Variants in GRM5 observed in about 807,000 individuals in gnomAD.
GRM5 encodes metabotropic glutamate receptor 5.
A neutral mutation model predicts 83.1 loss-of-function variants in GRM5; 19 were observed. That is an observed-to-expected ratio of 0.23 (90% CI 0.16 to 0.34). The LOEUF (loss-of-function observed/expected upper bound fraction) is 0.34. GRM5 is among the 10% of genes least tolerant of loss of function. The pLI, the probability that GRM5 is intolerant of heterozygous loss-of-function variation, is 1.00. For missense variants in GRM5, 1,160 were observed against 1,588.3 expected (o/e 0.73, Z 4.58); for synonymous variants, 675 against 633.6 (o/e 1.07, Z -0.98).
chr11:88,909,830 T>C (rs1012225337), intron 2 of GRM5, among the ~76,000 whole-genome samples: 2 of 152,114 alleles, frequency 1.3e-5, no homozygotes, highest in African/African-American at 2.4e-5. Flanking sequence ...CCTACTGCAA[T>C]AATAGTCATT....
At chr11:88,739,239 T>C (rs1174760055) in intron 3 of GRM5, among the ~76,000 whole-genome samples, 1 of 152,080 alleles carries the variant, frequency 6.6e-6, no homozygotes, top group Middle Eastern at 3.2e-3. Context: ...TGCGTAATTC[T>C]TATGCATTCT....
intron 2 of GRM5, among the ~76,000 whole-genome samples, chr11:88,949,669 G>A (rs1173777627): frequency 6.6e-6 from 1 of 152,000 alleles, no homozygotes; most frequent in African/African-American, 2.4e-5. Flanking sequence ...AAAGCAAAAC[G>A]TAAGGAAATC....
At chr11:88,563,250 C>A (rs971793179) in intron 8 of GRM5, among the ~76,000 whole-genome samples, 24 of 152,290 alleles carry the variant, frequency 1.6e-4, no homozygotes, top group African/African-American at 5.8e-4. Flanking sequence ...GTGCCTTATT[C>A]AAATTCATAG....
intron 3 of GRM5, among the ~76,000 whole-genome samples, chr11:88,815,405 T>C (rs2135502232): frequency 6.6e-6 from 1 of 152,244 alleles, no homozygotes; most frequent in East Asian, 1.9e-4. Flanking sequence ...CATATTAAAA[T>C]TTGTGAGTTA....
intron 2 of GRM5, among the ~76,000 whole-genome samples, chr11:89,039,425 A>T (rs536848952): frequency 4.6e-5 from 7 of 152,262 alleles, no homozygotes; most frequent in Admixed American, 2.6e-4. Context: ...TCCATTTTCC[A>T]GAGTCCTCCA....
intron 3 of GRM5, among the ~76,000 whole-genome samples, chr11:88,744,173 T>TG (rs1159819454): frequency 6.6e-6 from 1 of 152,124 alleles, no homozygotes; most frequent in Non-Finnish European, 1.5e-5. Flanking sequence ...CTTCTTTCAG[T>TG]GGAAAGCCAA....
chr11:89,056,353 C>T (rs1941873800), intron 1 of GRM5, among the ~76,000 whole-genome samples: 1 of 152,120 alleles, frequency 6.6e-6, no homozygotes, highest in Non-Finnish European at 1.5e-5. Flanking sequence ...CTGAGTAAGG[C>T]CATTTCTCCT....
chr11:88,724,845 T>G (rs557598906), intron 3 of GRM5, among the ~76,000 whole-genome samples: 2 of 152,202 alleles, frequency 1.3e-5, no homozygotes, highest in East Asian at 3.9e-4. Context: ...GCTAGGGCTG[T>G]GCTGTAAGAA....
chr11:88,697,022 A>G (rs1490963170), intron 3 of GRM5, among the ~76,000 whole-genome samples: 3 of 152,126 alleles, frequency 2.0e-5, no homozygotes, highest in East Asian at 1.9e-4. Flanking sequence ...CCTTTTTTCA[A>G]TATTTCCAGA....
intron 4 of GRM5, among the ~76,000 whole-genome samples, chr11:88,622,394 C>T (rs1938662872): frequency 6.6e-6 from 1 of 152,212 alleles, no homozygotes; most frequent in African/African-American, 2.4e-5. Context: ...ATGCTATCTG[C>T]AGTATACCTA....
chr11:88,934,206 C>A (rs2135653130), intron 2 of GRM5, among the ~76,000 whole-genome samples: 1 of 151,822 alleles, frequency 6.6e-6, no homozygotes, highest in Non-Finnish European at 1.5e-5. Flanking sequence ...TCTTTTAATA[C>A]AGAAAGATTT....
At chr11:88,635,921 C>T (rs1345262912) in intron 4 of GRM5, among the ~76,000 whole-genome samples, 1 of 152,098 alleles carries the variant, frequency 6.6e-6, no homozygotes, top group East Asian at 1.9e-4. Context: ...GTAAATGATA[C>T]TAATGTATTA....
At chr11:88,997,298 G>T (rs1940212810) in intron 2 of GRM5, among the ~76,000 whole-genome samples, 1 of 143,870 alleles carries the variant, frequency 7.0e-6, no homozygotes, top group Admixed American at 7.1e-5. Context: ...CTGTACTCCA[G>T]CCTGGGCAAC....
At chr11:88,665,349 G>A (rs1251597805) in intron 3 of GRM5, among the ~76,000 whole-genome samples, 1 of 152,002 alleles carries the variant, frequency 6.6e-6, no homozygotes. Flanking sequence ...ACATGGAAAA[G>A]ACCAATTAGA....
At chr11:89,055,609 C>T (rs1941855897) in intron 1 of GRM5, among the ~76,000 whole-genome samples, 1 of 152,008 alleles carries the variant, frequency 6.6e-6, no homozygotes, top group African/African-American at 2.4e-5. Context: ...TCACTCAAAA[C>T]ACAATTTTAA....
At chr11:88,598,647 A>C (rs4420274) in intron 5 of GRM5, among the ~76,000 whole-genome samples, 1 of 152,170 alleles carries the variant, frequency 6.6e-6, no homozygotes, top group Non-Finnish European at 1.5e-5. Context: ...ATATTAGAGC[A>C]CAGAGCACTG....
chr11:88,834,497 C>G (rs1944056122), intron 3 of GRM5, among the ~76,000 whole-genome samples: 1 of 152,132 alleles, frequency 6.6e-6, no homozygotes. Flanking sequence ...TTCACTTTAT[C>G]ACCTGGCAAG....
At chr11:88,885,450 GTTTTTTTTTTTTTTTTT>G (rs61456975) in intron 2 of GRM5, among the ~76,000 whole-genome samples, 2 of 62,666 alleles carry the variant, frequency 3.2e-5, no homozygotes, top group East Asian at 5.4e-4. Context: ...TAGGTACCAT[GTTTTTTTTTTTTTTTTT>G]TTTTTTTTTT....
intron 7 of GRM5, among the ~76,000 whole-genome samples, chr11:88,586,874 GA>G (rs1396396427): frequency 1.3e-5 from 2 of 152,074 alleles, no homozygotes; most frequent in African/African-American, 4.8e-5. Context: ...TCTTCTGTCT[GA>G]AAACCTCCAC....
Sources: allele counts gnomAD v4.1 joint callset (sites outside exome capture counted in the v4.1 genomes callset), GRCh38; gene constraint gnomAD v4.1.1; transcripts MANE v1.5; gene names NCBI Gene and HGNC (gene_info 2026-07-23, HGNC 2026-07-21).